Variants in TENM2 observed in about 807,000 individuals in gnomAD.
TENM2 encodes the protein teneurin transmembrane protein 2, also known as teneurin-2.
A neutral mutation model predicts 245.2 loss-of-function variants in TENM2; 52 were observed. The ratio of observed to expected loss-of-function variants is 0.21; its 90% CI spans 0.17 to 0.27. The LOEUF is 0.27. Among genes scored for constraint, TENM2 ranks in the 10% least tolerant of loss-of-function variants. The probability of loss-of-function intolerance (pLI) is 1.00; values close to 1 mark genes in which losing one functional copy is unlikely to be tolerated. For synonymous variants in TENM2, 1,363 were observed against 1,438.9 expected, an observed-to-expected ratio of 0.95 and a Z score of 1.19; for missense variants, 3,046 against 3,666.8, an observed-to-expected ratio of 0.83 and a Z score of 4.37.
intron 2 of TENM2, among the ~76,000 whole-genome samples, chr5:167,628,636 G>T (rs141009545): frequency 1.3e-5 from 2 of 152,174 alleles, no homozygotes; most frequent in African/African-American, 4.8e-5. Flanking sequence ...GTACAAGGTG[G>T]TATAGAGAAT....
chr5:167,521,882 TTCTC>T (rs1317088319), intron 2 of TENM2, among the ~76,000 whole-genome samples: 6 of 152,130 alleles, frequency 3.9e-5, no homozygotes, highest in African/African-American at 9.7e-5. Context: ...AATTAAAAGA[TTCTC>T]TCTCTATCTT....
chr5:167,252,370 G>C, the TENM2 span, among the ~76,000 whole-genome samples: 3 of 152,140 alleles, frequency 2.0e-5, no homozygotes, highest in African/African-American at 4.8e-5. Flanking sequence ...TTGTAAAATA[G>C]CTCCAAGAGA....
the TENM2 span, among the ~76,000 whole-genome samples, chr5:167,060,010 G>A: frequency 2.6e-5 from 4 of 151,942 alleles, no homozygotes; most frequent in East Asian, 7.8e-4. Context: ...GCCAGAATAA[G>A]TAAATTTCTA....
At chr5:167,348,371 G>C (rs151316197) in intron 1 of TENM2, among the ~76,000 whole-genome samples, 1 of 152,080 alleles carries the variant, frequency 6.6e-6, no homozygotes, top group Admixed American at 6.5e-5. Flanking sequence ...GAAGTCAAAG[G>C]GCTAATAGAC....
intron 2 of TENM2, among the ~76,000 whole-genome samples, chr5:167,511,661 T>C (rs55813449): frequency 0.13 from 19,488 of 152,200 alleles, 1,560 homozygotes; most frequent in Middle Eastern, 0.2. Context: ...CTCCAGTCAA[T>C]GGTCATGACT....
chr5:168,017,348 G>A (rs1342734128), intron 5 of TENM2, among the ~76,000 whole-genome samples: 1 of 152,186 alleles, frequency 6.6e-6, no homozygotes, highest in Non-Finnish European at 1.5e-5. Flanking sequence ...GAATAAACAA[G>A]AGGAAAATTA....
intron 2 of TENM2, among the ~76,000 whole-genome samples, chr5:167,873,940 C>G (rs559655043): frequency 1.3e-5 from 2 of 152,148 alleles, no homozygotes; most frequent in African/African-American, 2.4e-5. Flanking sequence ...AACATTTAAG[C>G]TTTAAGAGTA....
chr5:166,987,738 G>T, the TENM2 span, among the ~76,000 whole-genome samples: 11 of 152,000 alleles, frequency 7.2e-5, no homozygotes, highest in African/African-American at 2.7e-4. Context: ...ATAGATAAAT[G>T]ACTCCATGCC....
chr5:167,013,986 C>G, the TENM2 span, among the ~76,000 whole-genome samples: 1 of 152,038 alleles, frequency 6.6e-6, no homozygotes, highest in Non-Finnish European at 1.5e-5. Flanking sequence ...CCAAGGCCAT[C>G]AATGAAGCCT....
chr5:168,118,500 C>T lies in TENM2; in HGVS notation c.2008+14C>T. ...ACTGTGAGGAAGGTAAGCCCGCCGG[C>T]CCCGGGGCTAGGCAGCAGTGGAGGG... On this transcript the variant is annotated intron_variant, in intron 10 of 28. Coordinates refer to ENST00000518659, the Ensembl canonical transcript of TENM2. 2 of 1,500,514 alleles carry T rather than the reference C, an allele frequency of 1.3e-6. No individual in the cohort carries two copies. Among genetic ancestry groups the T allele is most frequent in the Non-Finnish European group, 1.8e-6 (2 of 1,108,558 alleles). 92.9% of individuals were successfully genotyped at this position (1,500,514 alleles called of 1,614,324 possible).
the TENM2 span, among the ~76,000 whole-genome samples, chr5:167,015,628 T>C: frequency 6.6e-6 from 1 of 152,230 alleles, no homozygotes; most frequent in Non-Finnish European, 1.5e-5. Context: ...CTGTGAAATA[T>C]TTACAAATTA....
intron 10 of TENM2, among the ~76,000 whole-genome samples, chr5:168,122,041 G>A (rs1795505151): frequency 1.3e-5 from 2 of 152,220 alleles, no homozygotes; most frequent in South Asian, 2.1e-4. Flanking sequence ...CAGGAAGTGT[G>A]TCCCATCAAT....
intron 10 of TENM2, among the ~76,000 whole-genome samples, chr5:168,121,234 T>A (rs2152342223): frequency 6.6e-6 from 1 of 152,306 alleles, no homozygotes; most frequent in African/African-American, 2.4e-5. Context: ...AGGGGGCTGA[T>A]GTTTCGAGGC....
intron 3 of TENM2, among the ~76,000 whole-genome samples, chr5:167,918,635 GT>G (rs1414310213): frequency 6.6e-6 from 1 of 152,144 alleles, no homozygotes; most frequent in African/African-American, 2.4e-5. Flanking sequence ...GTGTGGCAGT[GT>G]TTTGGAAGCT....
At chr5:168,099,951 A>G (rs903260843) in intron 9 of TENM2, among the ~76,000 whole-genome samples, 52 of 152,200 alleles carry the variant, frequency 3.4e-4, no homozygotes, top group African/African-American at 1.1e-3. Flanking sequence ...CATCCCTTGT[A>G]AGTTGGATTC....
intron 25 of TENM2, among the ~76,000 whole-genome samples, chr5:168,229,145 G>T (rs1426349753): frequency 1.4e-5 from 2 of 147,840 alleles, no homozygotes; most frequent in Non-Finnish European, 3.0e-5. Context: ...TTTTTCAATA[G>T]CCCCACGAGG....
intron 2 of TENM2, among the ~76,000 whole-genome samples, chr5:167,692,601 C>A (rs1757503325): frequency 6.6e-6 from 1 of 152,140 alleles, no homozygotes; most frequent in Admixed American, 6.5e-5. Context: ...ATATGCATGA[C>A]TTTAAAAATA....
chr5:167,577,283 C>CT (rs1774767733), intron 2 of TENM2, among the ~76,000 whole-genome samples: 2 of 152,176 alleles, frequency 1.3e-5, no homozygotes, highest in South Asian at 4.1e-4. Context: ...TACAAAAGCA[C>CT]TTGCAGACAG....
chr5:168,205,317 G>GA (rs74817019), intron 19 of TENM2, among the ~76,000 whole-genome samples: 3,116 of 141,436 alleles, frequency 0.022, 72 homozygotes, highest in African/African-American at 0.066. Context: ...TTTCTGGCTA[G>GA]AAAAAAAAAA....
Sources: gnomAD v4.1 joint callset for allele counts (sites outside exome capture counted in the v4.1 genomes callset) on GRCh38, gnomAD v4.1.1 for gene constraint, MANE v1.5 for transcripts, NCBI Gene and HGNC (gene_info 2026-07-23, HGNC 2026-07-21) for gene names.